Variants in MICU3 observed in about 807,000 individuals in gnomAD.
MICU3 encodes calcium uptake protein 3, mitochondrial.
In MICU3, 62 loss-of-function variants were observed where a neutral mutation model predicts 66.5. The ratio of observed to expected loss-of-function variants is 0.93; its 90% CI spans 0.76 to 1.15. The LOEUF (loss-of-function observed/expected upper bound fraction) is 1.15. Ranked by LOEUF, MICU3 falls within the 50% of genes most tolerant of loss-of-function variation. The pLI, the probability that MICU3 is intolerant of heterozygous loss-of-function variation, is 0.00. For missense variants in MICU3, 779 were observed against 664.4 expected (o/e 1.17, Z -1.90); for synonymous variants, 308 against 240.7 (o/e 1.28, Z -2.59).
At chr8:17,066,542 G>T (rs202068461) in intron 2 of MICU3, among the ~76,000 whole-genome samples, 10,030 of 78,616 alleles carry the variant, frequency 0.13, 246 homozygotes, top group East Asian at 0.3. Flanking sequence ...TATATATATA[G>T]ATTTTTTTTT....
At chr8:17,105,348 G>A (rs1325198040) in intron 10 of MICU3, 65 bp from the exon 11 acceptor site, 2 of 911,858 alleles carry the variant, frequency 2.2e-6, no homozygotes, top group Non-Finnish European at 1.7e-6. Context: ...GTGAGTATTT[G>A]CTCATCTCCT....
intron 12 of MICU3, among the ~76,000 whole-genome samples, chr8:17,115,927 C>T (rs931087279): frequency 1.3e-5 from 2 of 152,132 alleles, no homozygotes; most frequent in Non-Finnish European, 1.5e-5. Context: ...TTTCTGTCAT[C>T]TCTATAGGCT....
chr8:17,053,297 C>A (rs912735269), intron 1 of MICU3, among the ~76,000 whole-genome samples: 1 of 152,116 alleles, frequency 6.6e-6, no homozygotes, highest in Non-Finnish European at 1.5e-5. Context: ...CTCTAATTGT[C>A]AAGTAGTGAA....
chr8:17,068,540 C>G (rs896707496), intron 2 of MICU3, among the ~76,000 whole-genome samples: 1 of 152,092 alleles, frequency 6.6e-6, no homozygotes, highest in Non-Finnish European at 1.5e-5. Flanking sequence ...TGTCTTTGCA[C>G]CAGTGTCATA....
chr8:17,047,412 G>A (rs1815274063), intron 1 of MICU3, among the ~76,000 whole-genome samples: 1 of 152,194 alleles, frequency 6.6e-6, no homozygotes, highest in Admixed American at 6.5e-5. Context: ...AGGGGTTACA[G>A]ATGAGGAGGA....
chr8:17,044,359 A>T (rs1296701934), intron 1 of MICU3, among the ~76,000 whole-genome samples: 1 of 152,220 alleles, frequency 6.6e-6, no homozygotes, highest in Non-Finnish European at 1.5e-5. Flanking sequence ...CTCAGGAAGC[A>T]GTCTGTTAGG....
chr8:17,065,124 A>G lies in MICU3; in HGVS notation c.535+887A>G, dbSNP rs1322066727. Among the ~76,000 whole-genome samples, 13 of 152,314 alleles carry G rather than the reference A, an allele frequency of 8.5e-5. No individual in the cohort carries two copies. The South Asian group carries it at 1.7e-3, about 19-fold the overall frequency. On this transcript the variant is annotated intron_variant, in intron 2 of 14. Transcript: ENST00000318063. ...AAAATAATTCATTTCACTTCACTGA[A>G]AGATCACTCACTAAAAATCAGTATA...
intron 8 of MICU3, among the ~76,000 whole-genome samples, chr8:17,093,285 A>G (rs573844679): frequency 3.3e-5 from 5 of 152,080 alleles, no homozygotes; most frequent in Admixed American, 3.3e-4. Context: ...GGCATGTATT[A>G]GAGGATTTTT....
At chr8:17,069,643 C>T (rs1365274633) in intron 2 of MICU3, 45 bp from the exon 3 acceptor site, 8 of 1,213,342 alleles carry the variant, frequency 6.6e-6, no homozygotes, top group Non-Finnish European at 9.4e-6. Flanking sequence ...ATATATATTC[C>T]ATGAAGTATT....
At chr8:17,088,516 T>C (rs954168396) in intron 7 of MICU3, among the ~76,000 whole-genome samples, 1 of 151,962 alleles carries the variant, frequency 6.6e-6, no homozygotes, top group Non-Finnish European at 1.5e-5. Flanking sequence ...ATTGACTGAA[T>C]AGGCAAGTTG....
At chr8:17,065,677 C>G (rs6989529) in intron 2 of MICU3, among the ~76,000 whole-genome samples, 54 of 152,206 alleles carry the variant, frequency 3.5e-4, no homozygotes, top group African/African-American at 1.3e-3. Context: ...TAGATAAGAA[C>G]AGGAAAATGT....
At chr8:17,128,903 A>G in the MICU3 span, among the ~76,000 whole-genome samples, 3 of 152,216 alleles carry the variant, frequency 2.0e-5, no homozygotes, top group African/African-American at 7.2e-5. Flanking sequence ...GGTACTGTTA[A>G]GTCTGACTGA....
chr8:17,057,687 A>G (rs1007070289), intron 1 of MICU3, among the ~76,000 whole-genome samples: 22 of 152,182 alleles, frequency 1.4e-4, no homozygotes, highest in African/African-American at 4.3e-4. Context: ...TTTGAAAGGC[A>G]TATTTTAAAG....
At chr8:17,096,482 A>G (rs1252242669) in intron 8 of MICU3, among the ~76,000 whole-genome samples, 2 of 151,882 alleles carry the variant, frequency 1.3e-5, no homozygotes, top group African/African-American at 4.8e-5. Context: ...GAACAGTTAC[A>G]TATATAGGAA....
intron 1 of MICU3, among the ~76,000 whole-genome samples, chr8:17,054,779 G>A (rs1263268965): frequency 6.3e-5 from 8 of 126,668 alleles, no homozygotes; most frequent in African/African-American, 2.1e-4. Context: ...TTGCTCTGTC[G>A]CCAGGCTGGA....
intron 1 of MICU3, among the ~76,000 whole-genome samples, chr8:17,051,673 A>G (rs530588195): frequency 6.6e-6 from 1 of 152,326 alleles, no homozygotes; most frequent in African/African-American, 2.4e-5. Flanking sequence ...CAACTGTGTC[A>G]AATGCTATAA....
chr8:17,099,663 G>A (rs1047751047), intron 9 of MICU3, among the ~76,000 whole-genome samples: 1 of 151,812 alleles, frequency 6.6e-6, no homozygotes, highest in Non-Finnish European at 1.5e-5. Flanking sequence ...TGAAGTGGCA[G>A]ATGTTCCCTT....
chr8:17,084,465 G>A (rs1821661731), intron 5 of MICU3, among the ~76,000 whole-genome samples: 1 of 152,016 alleles, frequency 6.6e-6, no homozygotes, highest in African/African-American at 2.4e-5. Flanking sequence ...TCTGTGGGGG[G>A]TCCCTTTTTC....
chr8:17,028,386 A>G (rs1811417379), intron 1 of MICU3, among the ~76,000 whole-genome samples: 3 of 152,230 alleles, frequency 2.0e-5, no homozygotes, highest in African/African-American at 7.2e-5. Context: ...TTCAACTGTC[A>G]TTATGTAGTT....
Sources: gnomAD v4.1 joint callset for allele counts (sites outside exome capture counted in the v4.1 genomes callset) on GRCh38, gnomAD v4.1.1 for gene constraint, MANE v1.5 for transcripts, NCBI Gene and HGNC (gene_info 2026-07-23, HGNC 2026-07-21) for gene names.